Variants in TMC2 observed in about 807,000 individuals in gnomAD.
TMC2 encodes transmembrane channel-like protein 2.
In TMC2, 102 loss-of-function variants were observed where a neutral mutation model predicts 105.9. The observed-to-expected ratio is 0.96, with a 90% CI of 0.82 to 1.14. The LOEUF (loss-of-function observed/expected upper bound fraction) is 1.14, where lower values mean the gene tolerates loss of function less well. TMC2 is among the 50% of genes most tolerant of loss of function. TMC2 has a pLI of 0.00. For missense variants in TMC2, 1,093 were observed against 1,134.3 expected, an observed-to-expected ratio of 0.96 and a Z score of 0.52; for synonymous variants, 402 against 422.8, an observed-to-expected ratio of 0.95 and a Z score of 0.60.
intron 5 of TMC2, among the ~76,000 whole-genome samples, chr20:2,572,803 A>G (rs1174785674): frequency 3.3e-5 from 5 of 152,046 alleles, no homozygotes; most frequent in African/African-American, 1.2e-4. Context: ...ATTCTCATTC[A>G]CTTAATTCTT....
At chr20:2,625,398 T>C (rs1312047345) in intron 17 of TMC2, among the ~76,000 whole-genome samples, 1 of 152,174 alleles carries the variant, frequency 6.6e-6, no homozygotes, top group African/African-American at 2.4e-5. Context: ...TCTTCCTCCC[T>C]CCCCAAAGGT....
At chr20:2,589,911 T>C (rs2086257678) in intron 7 of TMC2, among the ~76,000 whole-genome samples, 1 of 152,188 alleles carries the variant, frequency 6.6e-6, no homozygotes, top group African/African-American at 2.4e-5. Context: ...CCTCATGATC[T>C]GCCCACCTCG....
intron 18 of TMC2, among the ~76,000 whole-genome samples, chr20:2,636,612 C>T (rs982364878): frequency 4.1e-5 from 3 of 73,868 alleles, no homozygotes; most frequent in Admixed American, 3.6e-4. Context: ...ACACCTTCTT[C>T]TGGTTTTTTG....
chr20:2,640,685 G>T (rs1425219125), intron 19 of TMC2, among the ~76,000 whole-genome samples: 2 of 152,180 alleles, frequency 1.3e-5, no homozygotes, highest in Non-Finnish European at 2.9e-5. Flanking sequence ...GAGGGACTGG[G>T]TTTAGTAAAG....
chr20:2,593,724 G>T (rs1056382176), intron 8 of TMC2, among the ~76,000 whole-genome samples: 1 of 151,998 alleles, frequency 6.6e-6, no homozygotes, highest in African/African-American at 2.4e-5. Context: ...CCTTGGCTTG[G>T]CTCCTAAAAT....
chr20:2,635,213 G>A (rs993167019), intron 17 of TMC2, among the ~76,000 whole-genome samples: 7 of 152,158 alleles, frequency 4.6e-5, no homozygotes, highest in African/African-American at 1.4e-4. Context: ...AAGGACACCC[G>A]ATCACCTAGT....
intron 7 of TMC2, among the ~76,000 whole-genome samples, chr20:2,590,666 G>T (rs1483822107): frequency 6.6e-6 from 1 of 151,962 alleles, no homozygotes; most frequent in Non-Finnish European, 1.5e-5. Flanking sequence ...CTAATGCAAT[G>T]TCAGGAAAAT....
intron 5 of TMC2, among the ~76,000 whole-genome samples, chr20:2,573,828 G>C (rs1366455206): frequency 2.6e-5 from 4 of 152,016 alleles, no homozygotes; most frequent in African/African-American, 9.7e-5. Flanking sequence ...CCAAAGTGCT[G>C]GGATTACAGG....
rs1480037732 is a variant in TMC2, at chr20:2,643,578, G to T, written c.*2227G>T. 6.6e-6 allele frequency among the ~76,000 whole-genome samples: 1 copy of T among 152,162 alleles called. No individual in the cohort carries two copies. Among genetic ancestry groups the T allele is most frequent in the African/African-American group, 2.4e-5 (1 of 41,406 alleles). ...AAACAATAAACAATTATGTATTATTGTATGTAGTTTCTGTTCTGTGGGTTA... is the reference window on the plus strand; with the variant it reads ...AAACAATAAACAATTATGTATTATTTTATGTAGTTTCTGTTCTGTGGGTTA... On this transcript the variant is annotated 3_prime_UTR_variant, in exon 20 of 20. Transcript: ENST00000358864.
chr20:2,563,845 A>C (rs899343609), intron 4 of TMC2, among the ~76,000 whole-genome samples: 1 of 151,832 alleles, frequency 6.6e-6, no homozygotes, highest in South Asian at 2.1e-4. Context: ...GCCTGCCACA[A>C]CCTCTCCAGT....
At chr20:2,537,366 C>T (rs368393968) in intron 2 of TMC2, 50 bp downstream of exon 2, 11 of 1,464,738 alleles carry the variant, frequency 7.5e-6, no homozygotes, top group Non-Finnish European at 1.0e-5. Context: ...CCTGGGTGCC[C>T]TCTGCTTAGC....
chr20:2,582,724 C>T (rs61574386), intron 7 of TMC2, among the ~76,000 whole-genome samples: 5,634 of 152,268 alleles, frequency 0.037, 143 homozygotes, highest in South Asian at 0.085. Flanking sequence ...GATCTGCTCG[C>T]CTCAGCCTCC....
At chr20:2,591,206 A>G (rs2086265594) in intron 7 of TMC2, among the ~76,000 whole-genome samples, 1 of 152,176 alleles carries the variant, frequency 6.6e-6, no homozygotes, top group Admixed American at 6.6e-5. Context: ...TTGTTAAGTA[A>G]GTTTCTTGTA....
chr20:2,601,779 C>T (rs148776588), intron 10 of TMC2, among the ~76,000 whole-genome samples: 2 of 151,944 alleles, frequency 1.3e-5, no homozygotes, highest in Admixed American at 6.6e-5. Context: ...GGTGGTGAGC[C>T]GAGATTGCAC....
At chr20:2,613,380 A>G (rs2146241608) in intron 14 of TMC2, 58 bp downstream of exon 14, 1 of 1,607,624 alleles carries the variant, frequency 6.2e-7, no homozygotes, top group Non-Finnish European at 8.5e-7. Flanking sequence ...CTTCTTTGAT[A>G]CTTATAGCCA....
At chr20:2,579,050 T>C (rs1434921494) in intron 5 of TMC2, 96 bp from the exon 6 acceptor site, 5 of 709,012 alleles carry the variant, frequency 7.1e-6, no homozygotes, top group Non-Finnish European at 1.3e-5. Context: ...TGCTGACTCA[T>C]GCTGACCTGT....
intron 7 of TMC2, among the ~76,000 whole-genome samples, chr20:2,586,077 T>A (rs772899537): frequency 1.3e-5 from 2 of 152,152 alleles, no homozygotes; most frequent in African/African-American, 2.4e-5. Context: ...CCCTTCCACA[T>A]GCAGAATACA....
chr20:2,619,967 T>C (rs2086513167), intron 16 of TMC2, among the ~76,000 whole-genome samples: 2 of 152,100 alleles, frequency 1.3e-5, no homozygotes, highest in Admixed American at 1.3e-4. Flanking sequence ...TAGTCCCAGC[T>C]ACTTGGGAGG....
chr20:2,592,390 T>C lies in TMC2; in HGVS notation c.915T>C (p.Ser305=). The change falls in exon 8 of 20, where the codon TCT becomes TCC. Residue 305 remains serine (S), a synonymous_variant. Coordinates refer to ENST00000358864, the MANE Select transcript of TMC2 (RefSeq NM_080751.3). The surrounding 1 kb of genome is among the most constrained non-coding windows in gnomAD (Gnocchi z 4.9). ...AGGAAGAAAAGGCCATGGATTTTTC[T>C]GTCCTTTGGGATTTTGAGGTACTAT... ...RAEEEKAMDF[S]VLWDFEGYIK... is the part of the protein sequence containing the mutation. 1 of 1,613,764 alleles carries C rather than the reference T, an allele frequency of 6.2e-7. No individual in the cohort carries two copies. Among genetic ancestry groups the C allele is most frequent in the Non-Finnish European group, 8.5e-7 (1 of 1,179,610 alleles).
Sources: gnomAD v4.1 joint callset for allele counts (sites outside exome capture counted in the v4.1 genomes callset) on GRCh38, gnomAD v4.1.1 for gene constraint, Gnocchi (gnomAD v3.1) non-coding constraint, MANE v1.5 for transcripts, NCBI Gene and HGNC (gene_info 2026-07-23, HGNC 2026-07-21) for gene names.